The following CALCOCO2 variants were observed in gnomAD, a reference collection of about 807,000 sequenced individuals.
CALCOCO2 encodes calcium-binding and coiled-coil domain-containing protein 2.
Under a neutral mutation model 62.5 loss-of-function variants are expected in CALCOCO2, and 42 were observed. The observed-to-expected ratio is 0.67, with a 90% CI of 0.53 to 0.87. CALCOCO2 has a LOEUF of 0.87. CALCOCO2 is among the 40% of genes least tolerant of loss of function. CALCOCO2 has a pLI of 0.00. For missense variants in CALCOCO2, 456 were observed against 515.0 expected (o/e 0.89, Z 1.11); for synonymous variants, 167 against 173.0 (o/e 0.97, Z 0.27).
rs2040360848 is a variant in CALCOCO2 at position 48,864,028 on chromosome 17, T to C, written c.*1023T>C. 1 of 151,438 alleles carries C rather than the reference T, an allele frequency of 6.6e-6. No individual in the cohort carries two copies. Among genetic ancestry groups the C allele is most frequent in the African/African-American group, 2.4e-5 (1 of 41,214 alleles). The allele number at this position is 151,438 out of a possible 1,614,324, so 9.4% of individuals were successfully genotyped here. On this transcript the variant is annotated 3_prime_UTR_variant, in exon 13 of 13. Coordinates refer to ENST00000258947, the MANE Select transcript of CALCOCO2 (RefSeq NM_005831.5). ...AGGTGGGGAAGGAGGTGATGAAACATTAGTTTGTGAAATCCAAGGCCCTGG... is the reference window on the plus strand; with the variant it reads ...AGGTGGGGAAGGAGGTGATGAAACACTAGTTTGTGAAATCCAAGGCCCTGG...
Position 48,860,304 on chromosome 17 carries a change from C to T in CALCOCO2, c.1009-10C>T. The T allele has an allele frequency of 6.2e-7, 1 of 1,612,864 alleles. No homozygotes were observed. Among genetic ancestry groups the T allele is most frequent in the Non-Finnish European group, 8.5e-7 (1 of 1,179,102 alleles). ...GTCTTTCAACATGTCTATAAATCCT[C>T]TATCCTTAGCTTTTGAAGAGGGAGA... On this transcript the variant is annotated splice_polypyrimidine_tract_variant and intron_variant, in intron 10 of 12. Coordinates refer to ENST00000258947, the MANE Select transcript of CALCOCO2 (RefSeq NM_005831.5).
chr17:48,846,111 A>G (rs1489955926), intron 2 of CALCOCO2: 1 of 1,180,004 alleles, frequency 8.5e-7, no homozygotes, highest in East Asian at 2.7e-5. Flanking sequence ...GTACTCAGTA[A>G]CTCTTTTTAT....
At chr17:48,854,587 G>A (rs922656483) in intron 9 of CALCOCO2, among the ~76,000 whole-genome samples, 2 of 149,230 alleles carry the variant, frequency 1.3e-5, no homozygotes, top group African/African-American at 4.9e-5. Context: ...TGTATTTTTA[G>A]TAGAGACGGG....
Position 48,848,174 on chromosome 17 carries a change from A to G in CALCOCO2, c.283+8A>G, listed in dbSNP as rs1598034532. On this transcript the variant is annotated splice_region_variant and intron_variant, in intron 3 of 12. Transcript: ENST00000258947. The stretch of plus-strand genomic sequence containing the variant: ...AGGAAGTCCAATTCAAAGGTGAGAA[A>G]AATACTGGATCAAAGGTGTTGAAGA... 1 of 1,594,446 alleles carries G rather than the reference A, an allele frequency of 6.3e-7. No individual in the cohort carries two copies. Among genetic ancestry groups the G allele is most frequent in the Non-Finnish European group, 8.6e-7 (1 of 1,162,160 alleles).
At chr17:48,841,151 C>T (rs1598027603) in intron 1 of CALCOCO2, among the ~76,000 whole-genome samples, 1 of 152,314 alleles carries the variant, frequency 6.6e-6, no homozygotes, top group East Asian at 1.9e-4. Context: ...TTGAACGCCA[C>T]CATTCTAATT....
intron 1 of CALCOCO2, among the ~76,000 whole-genome samples, chr17:48,836,248 A>G (rs1261323644): frequency 6.6e-6 from 1 of 152,184 alleles, no homozygotes; most frequent in East Asian, 1.9e-4. Flanking sequence ...TTTTGGCACC[A>G]TGCCACTTGA....
intron 10 of CALCOCO2, among the ~76,000 whole-genome samples, chr17:48,857,432 G>A (rs1256123923): frequency 1.4e-5 from 2 of 144,144 alleles, no homozygotes. Context: ...CCTGACCTGA[G>A]GTGATCCACC....
chr17:48,856,431 G>T, intron 10 of CALCOCO2: 1 of 487,266 alleles, frequency 2.1e-6, no homozygotes, highest in Non-Finnish European at 3.9e-6. Flanking sequence ...CCACACTGAT[G>T]AAGACCTAAC....
At chr17:48,853,059 G>A (rs2040157539) in intron 9 of CALCOCO2, 47 bp downstream of exon 9, 1 of 1,311,748 alleles carries the variant, frequency 7.6e-7, no homozygotes, top group South Asian at 1.2e-5. Flanking sequence ...CTATAGGGAT[G>A]TAGAAGAAAA....
Position 48,860,167 on chromosome 17 carries a change from C to A in CALCOCO2, c.1009-147C>A. On this transcript the variant is annotated intron_variant, in intron 10 of 12. Coordinates refer to ENST00000258947, the MANE Select transcript of CALCOCO2 (RefSeq NM_005831.5). ...AATATTGAAACTGCTGCCTTCTCTT[C>A]TGAAGAATTATGGATTATCAATTAT... is the stretch of plus-strand genomic sequence containing the variant. The A allele has an allele frequency of 2.3e-5, 14 of 605,586 alleles. 1 individual carries two copies. The South Asian group carries it at 3.2e-4, about 14-fold the overall frequency. 37.5% of individuals were successfully genotyped at this position (605,586 alleles called of 1,614,324 possible). A position where few individuals can be genotyped will look rare whatever the true frequency, so the allele number is the denominator to read the frequency against.
intron 2 of CALCOCO2, chr17:48,846,167 T>A: frequency 7.7e-6 from 6 of 780,532 alleles, no homozygotes; most frequent in Non-Finnish European, 9.9e-6. Flanking sequence ...GACAGAGTCT[T>A]GCTCTGTCAC....
Position 48,848,402 on chromosome 17 carries a change from C to T in CALCOCO2, c.364C>T (p.Pro122Ser). 1 of 1,613,790 alleles carries T rather than the reference C, an allele frequency of 6.2e-7. No homozygotes were observed. Among genetic ancestry groups the T allele is most frequent in the Non-Finnish European group, 8.5e-7 (1 of 1,179,710 alleles). Residue 122 changes from proline (P) to serine (S), a missense_variant, in exon 4 of 13, where the codon CCT becomes TCT. Pro to Ser is a moderately conservative substitution (Grantham distance 74). Transcript: ENST00000258947. ...EDGVVRGASI[P>S]FQFRPENEED... The stretch of plus-strand genomic sequence containing the variant: ...TGGTGTGGTCCGGGGAGCAAGTATT[C>T]CTTTCCAATTCCGTCCAGAAAATGA...
chr17:48,836,845 C>G (rs923155347), intron 1 of CALCOCO2, among the ~76,000 whole-genome samples: 1 of 151,502 alleles, frequency 6.6e-6, no homozygotes, highest in African/African-American at 2.4e-5. Flanking sequence ...TCACTGCAAC[C>G]TCCGCCTCCC....
At chr17:48,850,593 C>T (rs1036163961) in intron 5 of CALCOCO2, among the ~76,000 whole-genome samples, 35 of 152,120 alleles carry the variant, frequency 2.3e-4, no homozygotes, top group African/African-American at 7.7e-4. Context: ...TATTGAACAG[C>T]GCTGTTCTAG....
At chr17:48,843,206 A>C (rs1443133971) in intron 2 of CALCOCO2, among the ~76,000 whole-genome samples, 1 of 152,132 alleles carries the variant, frequency 6.6e-6, no homozygotes, top group Non-Finnish European at 1.5e-5. Flanking sequence ...TCAAGTACAG[A>C]ATGGTATTTT....
chr17:48,863,015 C>CCT lies in CALCOCO2; in HGVS notation c.*13_*14dup. Reference sequence around the variant, plus strand: ...CTGCCACTCTCTCTGAGTATCCCAACCTCTTGGATGTATACAGAGATTTTA... The same window carrying CCT: ...CTGCCACTCTCTCTGAGTATCCCAACCTCTCTTGGATGTATACAGAGATTTTA... On this transcript the variant is annotated 3_prime_UTR_variant, in exon 13 of 13. Transcript: ENST00000258947. 6.3e-7 allele frequency: 1 copy of CCT among 1,587,648 alleles called. No individual in the cohort carries two copies.
At chr17:48,838,663 G>A (rs935116332) in intron 1 of CALCOCO2, among the ~76,000 whole-genome samples, 3 of 151,896 alleles carry the variant, frequency 2.0e-5, no homozygotes, top group Admixed American at 1.3e-4. Context: ...GCAGTGAGCC[G>A]AGATCGCGCC....
intron 1 of CALCOCO2, chr17:48,831,553 G>C (rs556191074): frequency 1.3e-4 from 20 of 152,400 alleles, no homozygotes; most frequent in African/African-American, 4.8e-4. Flanking sequence ...CCCTTTACGA[G>C]TAGGTTTGAT....
intron 2 of CALCOCO2, among the ~76,000 whole-genome samples, chr17:48,844,754 A>G (rs1285335312): frequency 2.0e-5 from 3 of 151,998 alleles, no homozygotes; most frequent in Non-Finnish European, 4.4e-5. Context: ...CTGACCTCAG[A>G]TGATGCACCC....
Sources: gnomAD v4.1 joint callset for allele counts (sites outside exome capture counted in the v4.1 genomes callset) on GRCh38, gnomAD v4.1.1 for gene constraint, MANE v1.5 for transcripts, NCBI Gene and HGNC (gene_info 2026-07-23, HGNC 2026-07-21) for gene names.